The following IGSF21 variants were observed in gnomAD, a reference collection of about 807,000 sequenced individuals.
IGSF21 encodes immunoglobulin superfamily member 21.
In IGSF21, 28 loss-of-function variants were observed where a neutral mutation model predicts 46.8. The observed-to-expected ratio is 0.60, with a 90% confidence interval of 0.44 to 0.82. The LOEUF (loss-of-function observed/expected upper bound fraction) is 0.82. Among genes scored for constraint, IGSF21 ranks in the 40% least tolerant of loss-of-function variants. The pLI is 0.00. For missense variants in IGSF21, 624 were observed against 665.5 expected (o/e 0.94, Z 0.69); for synonymous variants, 284 against 273.6 (o/e 1.04, Z -0.38).
intron 1 of IGSF21, among the ~76,000 whole-genome samples, chr1:18,156,397 A>T (rs1476359463): frequency 6.6e-6 from 1 of 152,204 alleles, no homozygotes; most frequent in Non-Finnish European, 1.5e-5. Context: ...TTCTCTCTGC[A>T]GATGGAGAAA....
At chr1:18,165,613 TC>T (rs1414629083) in intron 1 of IGSF21, among the ~76,000 whole-genome samples, 2 of 152,172 alleles carry the variant, frequency 1.3e-5, no homozygotes, top group Non-Finnish European at 2.9e-5. Flanking sequence ...AAGACTTTCC[TC>T]CCCATCTAAT....
chr1:18,254,930 G>A (rs2084876610), intron 2 of IGSF21, among the ~76,000 whole-genome samples: 2 of 152,152 alleles, frequency 1.3e-5, no homozygotes, highest in Non-Finnish European at 2.9e-5. Flanking sequence ...CAGTGACGTT[G>A]TCCTTCTTAC....
At chr1:18,363,035 A>G (rs973873352) in intron 5 of IGSF21, among the ~76,000 whole-genome samples, 5 of 152,182 alleles carry the variant, frequency 3.3e-5, no homozygotes, top group Non-Finnish European at 7.3e-5. Flanking sequence ...TCTAAATGAT[A>G]TACAGGGAAG....
intron 2 of IGSF21, among the ~76,000 whole-genome samples, chr1:18,237,140 G>C (rs1351749244): frequency 2.0e-5 from 3 of 152,168 alleles, no homozygotes; most frequent in Non-Finnish European, 4.4e-5. Flanking sequence ...TCTGGGACTG[G>C]TGGCAGCCTC....
chr1:18,182,321 T>G (rs1251171043), intron 1 of IGSF21, among the ~76,000 whole-genome samples: 2 of 151,900 alleles, frequency 1.3e-5, no homozygotes, highest in Non-Finnish European at 1.5e-5. Flanking sequence ...GGATTACAGG[T>G]GCATGCCACC....
intron 2 of IGSF21, among the ~76,000 whole-genome samples, chr1:18,282,902 T>C (rs2085176179): frequency 6.6e-6 from 1 of 152,208 alleles, no homozygotes; most frequent in South Asian, 2.1e-4. Flanking sequence ...CACACACATG[T>C]ACAGCCTCGT....
intron 1 of IGSF21, among the ~76,000 whole-genome samples, chr1:18,125,312 G>A (rs2086266368): frequency 6.6e-6 from 1 of 152,158 alleles, no homozygotes; most frequent in African/African-American, 2.4e-5. Context: ...TACCTACTAT[G>A]TTCACAACAC....
At chr1:18,362,407 A>G (rs1048454574) in intron 5 of IGSF21, among the ~76,000 whole-genome samples, 177 bp downstream of exon 5, 2 of 152,116 alleles carry the variant, frequency 1.3e-5, no homozygotes, top group African/African-American at 4.8e-5. Flanking sequence ...CCAGGCATCC[A>G]TGTGCCCCTG....
In IGSF21 at chr1:18,335,886, G is replaced by A. The variant is rs371936353; in HGVS notation, c.424+876G>A. On this transcript the variant is annotated intron_variant, in intron 4 of 9. Transcript: ENST00000251296. The surrounding 1 kb of genome is among the most constrained non-coding windows in gnomAD (Gnocchi z 4.8). Reference sequence around the variant, plus strand: ...ACACCCGTGGTGGTTCTGGCTTCCCGATGGAGCCACAATGCAGGAGGTGGC... The same window carrying A: ...ACACCCGTGGTGGTTCTGGCTTCCCAATGGAGCCACAATGCAGGAGGTGGC... Among the ~76,000 whole-genome samples the A allele has an allele frequency of 3.9e-4, 60 of 152,308 alleles. 1 individual carries two copies. In the South Asian group the frequency reaches 9.9e-3, roughly 25 times the overall value.
chr1:18,292,924 G>T (rs570207382), intron 3 of IGSF21, among the ~76,000 whole-genome samples: 1 of 152,336 alleles, frequency 6.6e-6, no homozygotes, highest in South Asian at 2.1e-4. Flanking sequence ...CAAATGCTTT[G>T]CCAGGTGCCC....
At chr1:18,242,518 T>C (rs186093452) in intron 2 of IGSF21, among the ~76,000 whole-genome samples, 4 of 152,328 alleles carry the variant, frequency 2.6e-5, no homozygotes, top group Non-Finnish European at 5.9e-5. Flanking sequence ...AAACAAGTAT[T>C]GTCAAGTAGT....
intron 1 of IGSF21, among the ~76,000 whole-genome samples, chr1:18,145,386 A>G (rs1269685786): frequency 1.3e-5 from 2 of 152,058 alleles, no homozygotes; most frequent in African/African-American, 2.4e-5. Context: ...AAGGCATTCA[A>G]AGTTAATGGC....
intron 6 of IGSF21, among the ~76,000 whole-genome samples, chr1:18,366,166 C>T (rs1171983484): frequency 6.6e-6 from 1 of 152,074 alleles, no homozygotes; most frequent in African/African-American, 2.4e-5. Context: ...GGAGTTTGTA[C>T]AGTCCAGATA....
At chr1:18,318,615 T>C (rs1407696427) in intron 3 of IGSF21, among the ~76,000 whole-genome samples, 1 of 152,064 alleles carries the variant, frequency 6.6e-6, no homozygotes, top group East Asian at 1.9e-4. Context: ...ACTTCTTCCA[T>C]GGCAGGATCA....
At chr1:18,302,910 T>G (rs994261019) in intron 3 of IGSF21, among the ~76,000 whole-genome samples, 22 of 152,304 alleles carry the variant, frequency 1.4e-4, no homozygotes, top group African/African-American at 5.3e-4. Flanking sequence ...TATTTGACCT[T>G]GGACCCACAA....
At chr1:18,208,559 T>G (rs1163935799) in intron 1 of IGSF21, among the ~76,000 whole-genome samples, 2 of 138,382 alleles carry the variant, frequency 1.4e-5, no homozygotes, top group Admixed American at 1.4e-4. Flanking sequence ...TTTTTTTTTT[T>G]TTTTTTTTTT....
intron 1 of IGSF21, among the ~76,000 whole-genome samples, chr1:18,136,829 T>C (rs946748171): frequency 8.5e-5 from 13 of 152,192 alleles, no homozygotes; most frequent in African/African-American, 2.4e-4. Context: ...TGGCATTGAA[T>C]CTATAAATTA....
intron 2 of IGSF21, among the ~76,000 whole-genome samples, chr1:18,283,474 G>A (rs2124558136): frequency 6.6e-6 from 1 of 152,320 alleles, no homozygotes; most frequent in East Asian, 1.9e-4. Flanking sequence ...CAGCTCCCAG[G>A]CCTAGGAACT....
intron 2 of IGSF21, among the ~76,000 whole-genome samples, chr1:18,277,230 G>T (rs2085110686): frequency 6.6e-6 from 1 of 152,194 alleles, no homozygotes; most frequent in Non-Finnish European, 1.5e-5. Context: ...CTTGTCTCAG[G>T]CCGATCACTC....
Sources: allele counts gnomAD v4.1 joint callset (sites outside exome capture counted in the v4.1 genomes callset), GRCh38; gene constraint gnomAD v4.1.1; non-coding constraint Gnocchi (gnomAD v3.1); transcripts MANE v1.5; gene names NCBI Gene and HGNC (gene_info 2026-07-23, HGNC 2026-07-21).